PCGF3: variants seen among roughly 807,000 people sequenced by gnomAD.
PCGF3 encodes polycomb group ring finger 3.
PCGF3 carries 7 observed loss-of-function variants against 33.1 expected under a neutral mutation model. The observed-to-expected ratio is 0.21, with a 90% CI of 0.12 to 0.40. The LOEUF is 0.40. Among genes scored for constraint, PCGF3 ranks in the 10% least tolerant of loss-of-function variants. PCGF3 has a pLI of 1.00. For missense variants in PCGF3, 211 were observed against 313.3 expected, an observed-to-expected ratio of 0.67 and a Z score of 2.46; for synonymous variants, 153 against 121.3, an observed-to-expected ratio of 1.26 and a Z score of -1.72.
At chr4:767,528 G>A (rs907512813) in exon 11 of PCGF3, 1 of 152,282 alleles carries the variant, frequency 6.6e-6, no homozygotes, top group African/African-American at 2.4e-5. Context: ...GGCTTTCCAA[G>A]AAGCCAACCA....
intron 8 of PCGF3, among the ~76,000 whole-genome samples, chr4:748,475 C>G (rs190440893): frequency 6.6e-6 from 1 of 152,192 alleles, no homozygotes; most frequent in African/African-American, 2.4e-5. Flanking sequence ...CATGAGCCAC[C>G]GCGCCCAGCC....
At chr4:728,130 G>A (rs544576334) in intron 1 of PCGF3, among the ~76,000 whole-genome samples, 3 of 152,272 alleles carry the variant, frequency 2.0e-5, no homozygotes, top group African/African-American at 7.2e-5. Flanking sequence ...GTCCGTGCTC[G>A]GACGTCACCT....
chr4:763,737 A>C (rs944413294), intron 9 of PCGF3, among the ~76,000 whole-genome samples: 1 of 152,226 alleles, frequency 6.6e-6, no homozygotes, highest in Non-Finnish European at 1.5e-5. Context: ...TCTCCTGCCC[A>C]CACAAAAACC....
intron 1 of PCGF3, among the ~76,000 whole-genome samples, chr4:722,083 C>T (rs576691525): frequency 6.6e-6 from 1 of 152,212 alleles, no homozygotes; most frequent in Non-Finnish European, 1.5e-5. Flanking sequence ...GGGCGTGGGA[C>T]GGTGTCTGTG....
chr4:768,338 C>T (rs771507500), exon 11 of PCGF3: 4 of 152,492 alleles, frequency 2.6e-5, no homozygotes, highest in South Asian at 2.1e-4. Flanking sequence ...GAGGCTGGAG[C>T]GCAATGGCCC....
chr4:750,337 C>G (rs1408178557), intron 8 of PCGF3, among the ~76,000 whole-genome samples: 2 of 152,208 alleles, frequency 1.3e-5, no homozygotes, highest in Non-Finnish European at 2.9e-5. Flanking sequence ...GTGTTGTCTA[C>G]ACGGATCTCT....
At chr4:767,521 T>G (rs1363852310) in exon 11 of PCGF3, 2 of 152,242 alleles carry the variant, frequency 1.3e-5, no homozygotes, top group African/African-American at 4.8e-5. Context: ...CCATTCAGGC[T>G]TTCCAAGAAG....
At chr4:748,408 C>A (rs900827200) in intron 8 of PCGF3, among the ~76,000 whole-genome samples, 1 of 152,206 alleles carries the variant, frequency 6.6e-6, no homozygotes, top group African/African-American at 2.4e-5. Context: ...CCACGTTGGC[C>A]AGGCTGGTCT....
At chr4:733,170 A>G (rs1743682918) in intron 3 of PCGF3, among the ~76,000 whole-genome samples, 1 of 151,078 alleles carries the variant, frequency 6.6e-6, no homozygotes, top group Admixed American at 6.6e-5. Flanking sequence ...CGGCCCCACA[A>G]GTGAATGGGG....
Position 762,183 on chromosome 4 carries a change from C to A in PCGF3, c.600+767C>A, listed in dbSNP as rs1489174706. 4.3e-6 allele frequency: 3 copies of A among 695,526 alleles called. No individual in the cohort carries two copies. The East Asian group carries it at 4.0e-4, about 92-fold the overall frequency. 43.1% of individuals were successfully genotyped at this position (695,526 alleles called of 1,614,324 possible). On this transcript the variant is annotated intron_variant, in intron 9 of 10. Transcript: ENST00000362003. Reference sequence around the variant, plus strand: ...AATGGGATCTTGTTTGGAAAAGGATCTTTGTAGATATAATTAAATAAAGGA... The same window carrying A: ...AATGGGATCTTGTTTGGAAAAGGATATTTGTAGATATAATTAAATAAAGGA...
At chr4:705,880 C>G (rs1348126496) in exon 1 of PCGF3, 1 of 152,172 alleles carries the variant, frequency 6.6e-6, no homozygotes, top group South Asian at 2.1e-4. Flanking sequence ...TTCTCCTCCT[C>G]TTGGGGGGGA....
At chr4:763,189 A>G (rs929895998) in intron 9 of PCGF3, among the ~76,000 whole-genome samples, 4 of 152,176 alleles carry the variant, frequency 2.6e-5, no homozygotes, top group African/African-American at 7.2e-5. Flanking sequence ...CTAAGTTTCT[A>G]TCGTTTTGTT....
At chr4:768,861 T>A (rs988807178) in exon 11 of PCGF3, 1 of 152,692 alleles carries the variant, frequency 6.5e-6, no homozygotes, top group Non-Finnish European at 1.5e-5. Context: ...TATGTTTTTA[T>A]GTGGATGAAG....
chr4:729,712 G>T (rs1428369297), intron 1 of PCGF3, among the ~76,000 whole-genome samples: 2 of 152,196 alleles, frequency 1.3e-5, no homozygotes, highest in African/African-American at 4.8e-5. Context: ...TTATGTAAAA[G>T]TTAACTGAGC....
intron 3 of PCGF3, chr4:732,512 G>A (rs1743639774): frequency 6.5e-6 from 1 of 152,684 alleles, no homozygotes; most frequent in African/African-American, 2.4e-5. Flanking sequence ...AGGACCGCAA[G>A]CGTAAAGGTG....
At position 720,161 on chromosome 4, in the gene PCGF3, G is replaced by A. The variant is rs1743013872; in HGVS notation, c.-189-10469G>A. On this transcript the variant is annotated intron_variant, in intron 1 of 10. Transcript: ENST00000362003. This position sits in a 1 kb window ranked among gnomAD's most constrained non-coding sequence, Gnocchi z 5.6. ...GGACGTGCTGTCGCCTCATGAGGAC[G>A]CCGATGTGGCCCTGCTGCCGGAGTA... 6.6e-6 allele frequency among the ~76,000 whole-genome samples: 1 copy of A among 152,204 alleles called. No individual in the cohort carries two copies. The highest frequency in any genetic ancestry group is 1.5e-5 in the Non-Finnish European group (1 of 68,034).
In PCGF3 at chr4:714,777, T is replaced by C. The variant is rs147362792; in HGVS notation, c.-190+8807T>C. On this transcript the variant is annotated intron_variant, in intron 1 of 10. Coordinates refer to ENST00000362003, the Ensembl canonical transcript of PCGF3. Reference sequence around the variant, plus strand: ...CTGGAGAAAGCTGCCCTGGAGGGACTCTTCTCACTAGGTCACGCAAACCTG... The same window carrying C: ...CTGGAGAAAGCTGCCCTGGAGGGACCCTTCTCACTAGGTCACGCAAACCTG... Among the ~76,000 whole-genome samples, 11 of 152,368 alleles carry C rather than the reference T, an allele frequency of 7.2e-5. No individual in the cohort carries two copies. The East Asian group carries it at 2.1e-3, about 29-fold the overall frequency.
intron 6 of PCGF3, among the ~76,000 whole-genome samples, chr4:743,132 G>A (rs1417866964): frequency 2.6e-5 from 4 of 152,226 alleles, no homozygotes; most frequent in African/African-American, 9.6e-5. Flanking sequence ...TCAACCCCTG[G>A]TGACGGGTGG....
Position 738,541 on chromosome 4 carries a change from A to G in PCGF3, c.262+1020A>G, listed in dbSNP as rs112522528. ...GACCCCAAGTTTTGTGACCCCCGCCAGTGCTGACACTTTAAGAAACGTTTG... is the reference window on the plus strand; with the variant it reads ...GACCCCAAGTTTTGTGACCCCCGCCGGTGCTGACACTTTAAGAAACGTTTG... On this transcript the variant is annotated intron_variant, in intron 6 of 10. Coordinates refer to ENST00000362003, the Ensembl canonical transcript of PCGF3. 3.5e-4 allele frequency among the ~76,000 whole-genome samples: 52 copies of G among 149,116 alleles called. 1 individual carries two copies. The highest frequency in any genetic ancestry group is 1.3e-3 in the African/African-American group (51 of 40,564).
Sources: allele counts gnomAD v4.1 joint callset (sites outside exome capture counted in the v4.1 genomes callset), GRCh38; gene constraint gnomAD v4.1.1; non-coding constraint Gnocchi (gnomAD v3.1); transcripts MANE v1.5; gene names NCBI Gene and HGNC (gene_info 2026-07-23, HGNC 2026-07-21).